Variants in PKIB observed in about 807,000 individuals in gnomAD.
PKIB encodes cAMP-dependent protein kinase inhibitor beta, also known as PKI-beta.
PKIB carries 2 observed loss-of-function variants against 4.5 expected under a neutral mutation model. The ratio of observed to expected loss-of-function variants is 0.44; its 90% CI spans 0.18 to 1.39. The LOEUF is 1.39. Ranked by LOEUF, PKIB falls within the 40% of genes most tolerant of loss-of-function variation. The pLI is 0.27. For synonymous variants in PKIB, 38 were observed against 36.0 expected (o/e 1.06, Z -0.20); for missense variants, 94 against 92.6 (o/e 1.02, Z -0.06).
At position 122,615,542 on chromosome 6, in the gene PKIB, A is replaced by G. The variant is rs574960034; in HGVS notation, c.-161+5007A>G. Among the ~76,000 whole-genome samples the G allele has an allele frequency of 8.6e-5, 13 of 151,618 alleles. No homozygotes were observed. The South Asian group carries it at 2.7e-3, about 31-fold the overall frequency. ...AAGAATGGGGCGACTTCATGGGTGT[A>G]CTGAGTTGGATAATGTCTCCCCAAA... On this transcript the variant is annotated intron_variant, in intron 1 of 4. Transcript: ENST00000368452.
upstream of PKIB, among the ~76,000 whole-genome samples, chr6:122,609,497 CT>C (rs1468220291): frequency 6.6e-6 from 1 of 152,096 alleles, no homozygotes; most frequent in Non-Finnish European, 1.5e-5. Context: ...AGGCTTTTGC[CT>C]AAAAAGGGAA....
intron 3 of PKIB, among the ~76,000 whole-genome samples, chr6:122,680,709 G>T (rs1777865831): frequency 6.6e-6 from 1 of 152,080 alleles, no homozygotes; most frequent in Non-Finnish European, 1.5e-5. Context: ...ATTGCTTACT[G>T]AGCTCCAACA....
chr6:122,479,160 G>C (rs1048058789), intron 2 of PKIB: 1 of 152,166 alleles, frequency 6.6e-6, no homozygotes, highest in African/African-American at 2.4e-5. Flanking sequence ...CATTGAACTT[G>C]CTGAATGCTG....
chr6:122,610,709 C>T lies in PKIB; in HGVS notation c.-161+174C>T, dbSNP rs550699811. 1.6e-4 allele frequency among the ~76,000 whole-genome samples: 25 copies of T among 152,360 alleles called. No homozygotes were observed. The East Asian group carries it at 4.3e-3, about 26-fold the overall frequency. On this transcript the variant is annotated intron_variant, in intron 1 of 4. Coordinates refer to ENST00000368452, the MANE Select transcript of PKIB (RefSeq NM_181795.3). ...GAGTTCGAAGCAGATGCCTCTTTCGCTTGGGCGACCCGATCCATCGTTTAA... is the reference window on the plus strand; with the variant it reads ...GAGTTCGAAGCAGATGCCTCTTTCGTTTGGGCGACCCGATCCATCGTTTAA...
chr6:122,494,449 A>C (rs1294172457), intron 2 of PKIB, among the ~76,000 whole-genome samples: 1 of 152,228 alleles, frequency 6.6e-6, no homozygotes, highest in African/African-American at 2.4e-5. Flanking sequence ...GCTATGGCAC[A>C]AGGGTTTAAA....
chr6:122,640,577 G>A (rs1026762000), intron 2 of PKIB, among the ~76,000 whole-genome samples: 1 of 152,144 alleles, frequency 6.6e-6, no homozygotes, highest in Non-Finnish European at 1.5e-5. Flanking sequence ...CTAGGGTTTA[G>A]TTCTAAGTAT....
At chr6:122,701,714 G>T (rs1233126338) in intron 3 of PKIB, among the ~76,000 whole-genome samples, 1 of 152,128 alleles carries the variant, frequency 6.6e-6, no homozygotes, top group Non-Finnish European at 1.5e-5. Flanking sequence ...ATGTCATATG[G>T]TTCATAACAC....
Position 122,725,176 on chromosome 6 carries a change from C to A in PKIB, c.218C>A (p.Pro73His), listed in dbSNP as rs751764362. 2 of 1,611,180 alleles carry A rather than the reference C, an allele frequency of 1.2e-6. No homozygotes were observed. Among genetic ancestry groups the A allele is most frequent in the Non-Finnish European group, 1.7e-6 (2 of 1,178,922 alleles). The change falls in exon 5 of 5, where the codon CCT (proline) becomes CAT (histidine). Residue 73 changes from proline (P) to histidine (H), a missense_variant. Coordinates refer to ENST00000368452, the MANE Select transcript of PKIB (RefSeq NM_181795.3). ...ACAACACAAGACCAATTGGAAAAGC[C>A]TCAAAATGAAGAAAAATGAAGGCTC... ...EKTTQDQLEKPQNEEK is the reference protein window; with the variant it reads ...EKTTQDQLEKHQNEEK
chr6:122,521,505 G>A (rs968932925), intron 2 of PKIB, among the ~76,000 whole-genome samples: 5 of 151,764 alleles, frequency 3.3e-5, no homozygotes, highest in African/African-American at 4.8e-5. Flanking sequence ...ACGGTGAAAC[G>A]CTGTCTTTAC....
At chr6:122,570,408 T>G (rs1773327162) in intron 2 of PKIB, among the ~76,000 whole-genome samples, 1 of 152,192 alleles carries the variant, frequency 6.6e-6, no homozygotes, top group Non-Finnish European at 1.5e-5. Flanking sequence ...TACCCAGGGA[T>G]AACTCCCCTA....
intron 2 of PKIB, among the ~76,000 whole-genome samples, chr6:122,501,474 T>G (rs155463): frequency 0.81 from 122,828 of 152,142 alleles, 49,787 homozygotes; most frequent in South Asian, 0.92. Context: ...CTCAACTCTT[T>G]CCTTCTGTGC....
At chr6:122,599,521 C>G (rs773731171) in intron 3 of PKIB, among the ~76,000 whole-genome samples, 54 of 152,194 alleles carry the variant, frequency 3.5e-4, no homozygotes, top group Non-Finnish European at 6.9e-4. Context: ...AAGACTCACT[C>G]AGGGCAATCT....
At chr6:122,490,503 T>A (rs1256362237) in intron 2 of PKIB, among the ~76,000 whole-genome samples, 1 of 152,072 alleles carries the variant, frequency 6.6e-6, no homozygotes, top group Non-Finnish European at 1.5e-5. Flanking sequence ...GAAAGGTCCC[T>A]CATGAGTGGT....
intron 3 of PKIB, among the ~76,000 whole-genome samples, chr6:122,587,550 G>T (rs549118814): frequency 3.9e-5 from 6 of 152,296 alleles, no homozygotes; most frequent in African/African-American, 1.4e-4. Flanking sequence ...CCAGTAATGG[G>T]ATGGCTGGGT....
At chr6:122,664,337 T>C (rs1210803427) in intron 2 of PKIB, among the ~76,000 whole-genome samples, 2 of 152,234 alleles carry the variant, frequency 1.3e-5, no homozygotes, top group African/African-American at 4.8e-5. Flanking sequence ...GTCATTGGCC[T>C]AAACATGAGA....
intron 3 of PKIB, among the ~76,000 whole-genome samples, chr6:122,593,066 T>A (rs914856788): frequency 6.6e-6 from 1 of 152,192 alleles, no homozygotes; most frequent in African/African-American, 2.4e-5. Flanking sequence ...GGTTAAGGTG[T>A]GTGGTGTCAA....
At position 122,656,286 on chromosome 6, in the gene PKIB, A is replaced by G. The variant is rs148610107; in HGVS notation, c.-75-18792A>G. 1.2e-3 allele frequency among the ~76,000 whole-genome samples: 179 copies of G among 152,356 alleles called. 4 individuals are homozygous for G. The East Asian group carries it at 0.014, about 12-fold the overall frequency. ...ATCGTGAAAGTTCAAATCCTCTTTC[A>G]GAGAATAGTAACAATTCTATAAATC... is the stretch of plus-strand genomic sequence containing the variant. On this transcript the variant is annotated intron_variant, in intron 2 of 4. Coordinates refer to ENST00000368452, the MANE Select transcript of PKIB (RefSeq NM_181795.3).
At chr6:122,493,481 G>A (rs1775992810) in intron 2 of PKIB, 1 of 152,170 alleles carries the variant, frequency 6.6e-6, no homozygotes, top group Non-Finnish European at 1.5e-5. Context: ...ATGATGTATT[G>A]AAATCTTCTA....
At chr6:122,539,613 G>A (rs1777524843) in intron 2 of PKIB, among the ~76,000 whole-genome samples, 1 of 152,062 alleles carries the variant, frequency 6.6e-6, no homozygotes, top group East Asian at 1.9e-4. Flanking sequence ...TTGCATCAAT[G>A]TTCATCAAGG....
Sources: gnomAD v4.1 joint callset for allele counts (sites outside exome capture counted in the v4.1 genomes callset) on GRCh38, gnomAD v4.1.1 for gene constraint, MANE v1.5 for transcripts, NCBI Gene and HGNC (gene_info 2026-07-23, HGNC 2026-07-21) for gene names.